The following RSPRY1 variants were observed in gnomAD, a reference collection of about 807,000 sequenced individuals.
RSPRY1 encodes the protein ring finger and SPRY domain containing 1.
RSPRY1 carries 23 observed loss-of-function variants against 73.1 expected under a neutral mutation model. The ratio of observed to expected loss-of-function variants is 0.31; its 90% CI spans 0.23 to 0.45. The LOEUF (loss-of-function observed/expected upper bound fraction) is 0.45. RSPRY1 is among the 20% of genes least tolerant of loss of function. The pLI is 1.00. For synonymous variants in RSPRY1, 226 were observed against 251.4 expected, an observed-to-expected ratio of 0.90 and a Z score of 0.95; for missense variants, 448 against 698.7, an observed-to-expected ratio of 0.64 and a Z score of 4.05.
At chr16:57,223,995 G>A (rs1025329621) in intron 10 of RSPRY1, among the ~76,000 whole-genome samples, 1 of 152,208 alleles carries the variant, frequency 6.6e-6, no homozygotes, top group Non-Finnish European at 1.5e-5. Flanking sequence ...GATAGCCCAT[G>A]CTCCTTCCCC....
intron 13 of RSPRY1, among the ~76,000 whole-genome samples, chr16:57,234,794 T>C (rs2075277229): frequency 1.3e-5 from 2 of 152,236 alleles, no homozygotes; most frequent in South Asian, 2.1e-4. Flanking sequence ...CTCTCACATA[T>C]GTGATTTAAA....
intron 1 of RSPRY1, among the ~76,000 whole-genome samples, chr16:57,200,861 C>T (rs1438379705): frequency 6.3e-5 from 8 of 126,268 alleles, no homozygotes; most frequent in Admixed American, 3.3e-4. Context: ...CCGGACGGGG[C>T]GGCTGGCCGG....
At chr16:57,194,291 G>A (rs2074400991) in intron 1 of RSPRY1, among the ~76,000 whole-genome samples, 1 of 152,082 alleles carries the variant, frequency 6.6e-6, no homozygotes, top group African/African-American at 2.4e-5. Flanking sequence ...GTAGAGTCTA[G>A]GTGGTGGGGA....
At chr16:57,238,100 A>G (rs1388490117) in intron 14 of RSPRY1, among the ~76,000 whole-genome samples, 1 of 152,240 alleles carries the variant, frequency 6.6e-6, no homozygotes. Flanking sequence ...GGTTAAAAAA[A>G]AAAGTGCTAT....
chr16:57,220,055 G>T (rs1018767250), intron 8 of RSPRY1: 2 of 152,118 alleles, frequency 1.3e-5, no homozygotes, highest in Admixed American at 1.3e-4. Context: ...TGGTTCCTAT[G>T]ACTCCATAGT....
intron 14 of RSPRY1, among the ~76,000 whole-genome samples, chr16:57,237,757 G>C (rs1455977929): frequency 6.6e-6 from 1 of 151,732 alleles, no homozygotes; most frequent in Admixed American, 6.6e-5. Flanking sequence ...TGTCACCCAG[G>C]CTTGAGTGCA....
chr16:57,203,756 T>C (rs1276267709), intron 1 of RSPRY1, among the ~76,000 whole-genome samples: 1 of 152,246 alleles, frequency 6.6e-6, no homozygotes, highest in Admixed American at 6.5e-5. Context: ...CCTTAGTCAG[T>C]ATTTTCAGGC....
At chr16:57,188,041 A>G (rs1247140241) in intron 1 of RSPRY1, among the ~76,000 whole-genome samples, 2 of 152,190 alleles carry the variant, frequency 1.3e-5, no homozygotes, top group African/African-American at 4.8e-5. Context: ...TGAATATCAT[A>G]CTTTCTCCCT....
intron 6 of RSPRY1, among the ~76,000 whole-genome samples, chr16:57,214,392 A>G (rs543352620): frequency 3.9e-5 from 6 of 152,298 alleles, no homozygotes; most frequent in African/African-American, 1.4e-4. Context: ...AATATTTAAT[A>G]TATTGTCTAT....
chr16:57,187,225 G>A (rs1192539566), intron 1 of RSPRY1, among the ~76,000 whole-genome samples: 1 of 152,190 alleles, frequency 6.6e-6, no homozygotes, highest in Non-Finnish European at 1.5e-5. Flanking sequence ...TATTGCCCGA[G>A]TGGGGTGGGG....
intron 12 of RSPRY1, 31 bp from the exon 13 acceptor site, chr16:57,231,136 C>G (rs1221414904): frequency 1.3e-6 from 2 of 1,592,880 alleles, no homozygotes; most frequent in South Asian, 1.1e-5. Flanking sequence ...TTTATTAATT[C>G]TATTGGCCTC....
In RSPRY1 at chr16:57,239,113, G is replaced by A. The variant is rs2146412086; in HGVS notation, c.*138G>A. ...ATGGCCAGATTTTATGCTAAAAATG[G>A]TAGTTTGTCAAAGACAAAATTCTCT... is the stretch of plus-strand genomic sequence containing the variant. On this transcript the variant is annotated 3_prime_UTR_variant, in exon 15 of 15. Coordinates refer to ENST00000394420, the MANE Select transcript of RSPRY1 (RefSeq NM_133368.3). 4.9e-6 allele frequency: 2 copies of A among 410,402 alleles called. No homozygotes were observed. The highest frequency in any genetic ancestry group is 5.5e-5 in the South Asian group (1 of 18,146). 25.4% of individuals were successfully genotyped at this position (410,402 alleles called of 1,614,324 possible). A position where few individuals can be genotyped will look rare whatever the true frequency, so the allele number is the denominator to read the frequency against.
At chr16:57,196,934 T>G (rs1309065728) in intron 1 of RSPRY1, among the ~76,000 whole-genome samples, 3 of 152,202 alleles carry the variant, frequency 2.0e-5, no homozygotes, top group African/African-American at 7.2e-5. Flanking sequence ...TGTTACTATG[T>G]CTGTTTTTTA....
At chr16:57,214,220 A>G (rs759178699) in intron 6 of RSPRY1, among the ~76,000 whole-genome samples, 1 of 152,188 alleles carries the variant, frequency 6.6e-6, no homozygotes, top group Admixed American at 6.5e-5. Context: ...GCTCTTTTGC[A>G]TGTTCCTTGA....
chr16:57,233,619 C>T (rs1421565490), intron 13 of RSPRY1, among the ~76,000 whole-genome samples: 1 of 152,200 alleles, frequency 6.6e-6, no homozygotes, highest in Non-Finnish European at 1.5e-5. Context: ...ATCTGCCTGC[C>T]TCGGCCTCCC....
Position 57,213,111 on chromosome 16 carries a change from C to T in RSPRY1, c.643+13C>T, listed in dbSNP as rs2074875680. ...GAGAAACTAGCAGGTAACTTTGGGA[C>T]ACTCCACAGTGGAAGATCTTAAGTT... On this transcript the variant is annotated intron_variant, in intron 5 of 14. Transcript: ENST00000394420. The T allele has an allele frequency of 2.5e-6, 4 of 1,609,024 alleles. No homozygotes were observed. The highest frequency in any genetic ancestry group is 1.7e-5 in the Admixed American group (1 of 59,164).
chr16:57,238,647 A>T (rs2075336235), intron 14 of RSPRY1, among the ~76,000 whole-genome samples: 1 of 152,236 alleles, frequency 6.6e-6, no homozygotes, highest in Non-Finnish European at 1.5e-5. Flanking sequence ...GCACATATAG[A>T]GTGTCTGAAA....
chr16:57,222,443 T>C lies in RSPRY1; in HGVS notation c.1161+1028T>C, dbSNP rs549717437. ...ATTTCAGCAAGGCTGTATTTCACCC[T>C]GGAATTGTTGATGGTGTATTATTAA... On this transcript the variant is annotated intron_variant, in intron 10 of 14. Coordinates refer to ENST00000394420, the MANE Select transcript of RSPRY1 (RefSeq NM_133368.3). 7.2e-5 allele frequency among the ~76,000 whole-genome samples: 11 copies of C among 152,284 alleles called. No homozygotes were observed. In the South Asian group the frequency reaches 2.3e-3, roughly 32 times the overall value.
chr16:57,186,273 A>C (rs1001382815), upstream of RSPRY1: 1 of 620,334 alleles, frequency 1.6e-6, no homozygotes, highest in African/African-American at 2.0e-5. Context: ...CCACCGAGGA[A>C]GGGGCGTTTC....
Sources: allele counts gnomAD v4.1 joint callset (sites outside exome capture counted in the v4.1 genomes callset), GRCh38; gene constraint gnomAD v4.1.1; transcripts MANE v1.5; gene names NCBI Gene and HGNC (gene_info 2026-07-23, HGNC 2026-07-21).